The following PDE4DIP variants were observed in gnomAD, a reference collection of about 807,000 sequenced individuals.
The protein encoded by PDE4DIP is phosphodiesterase 4D interacting protein.
Under a neutral mutation model 221.4 loss-of-function variants are expected in PDE4DIP, and 59 were observed. The observed-to-expected ratio is 0.27, with a 90% confidence interval of 0.22 to 0.33. The LOEUF (loss-of-function observed/expected upper bound fraction) is 0.33, where lower values mean the gene tolerates loss of function less well. PDE4DIP is among the 10% of genes least tolerant of loss of function. The pLI is 1.00. For missense variants in PDE4DIP, 1,036 were observed against 2,154.2 expected, an observed-to-expected ratio of 0.48 and a Z score of 10.28; for synonymous variants, 404 against 815.9, an observed-to-expected ratio of 0.50 and a Z score of 8.60.
chr1:148,980,206 G>A (rs1163951981), intron 20 of PDE4DIP, among the ~76,000 whole-genome samples: 4 of 152,034 alleles, frequency 2.6e-5, no homozygotes, highest in African/African-American at 9.7e-5. Flanking sequence ...TATTATAAAC[G>A]TAAGGCTATG....
rs1337955609 is a variant in PDE4DIP at position 148,910,840 on chromosome 1, A to T, written c.142-18357A>T. Among the ~76,000 whole-genome samples, 2 of 105,370 alleles carry T rather than the reference A, an allele frequency of 1.9e-5. 1 individual carries two copies. Among genetic ancestry groups the T allele is most frequent in the Non-Finnish European group, 3.7e-5 (2 of 54,138 alleles). 69.1% of individuals were successfully genotyped at this position (105,370 alleles called of 152,430 possible). On this transcript the variant is annotated intron_variant, in intron 1 of 43. Coordinates refer to ENST00000369354, the Ensembl canonical transcript of PDE4DIP. Reference sequence around the variant, plus strand: ...TACGCTGTTGGTGAGAAGGTAAATTAGTTCAGTCACTGCGGAAAGCAGTTT... The same window carrying T: ...TACGCTGTTGGTGAGAAGGTAAATTTGTTCAGTCACTGCGGAAAGCAGTTT...
At chr1:148,828,943 C>CGAAT (rs1415056349) in intron 1 of PDE4DIP, among the ~76,000 whole-genome samples, 43 of 150,212 alleles carry the variant, frequency 2.9e-4, no homozygotes, top group African/African-American at 1.0e-3. Context: ...AATGAATGAA[C>CGAAT]GAATGAATGA....
At chr1:148,973,438 G>A (rs2059589145) in intron 16 of PDE4DIP, among the ~76,000 whole-genome samples, 1 of 151,294 alleles carries the variant, frequency 6.6e-6, no homozygotes, top group Admixed American at 6.6e-5. Context: ...CCGCTTCTAG[G>A]CCCTTTTAAG....
At chr1:149,007,021 C>T (rs587715896) in intron 27 of PDE4DIP, among the ~76,000 whole-genome samples, 180 bp from the exon 31 acceptor site, 2 of 149,676 alleles carry the variant, frequency 1.3e-5, no homozygotes, top group East Asian at 3.9e-4. Flanking sequence ...TTTTTTAATG[C>T]AATACTTTAT....
rs1288596395 is a variant in PDE4DIP at position 148,844,298 on chromosome 1, C to G, written c.234-18952C>G. On this transcript the variant is annotated intron_variant, in intron 1 of 45. Transcript: ENST00000524974. ...TCATCTGAGCCAGCGAGAGAGGGGTCGGGGAGACGCGAGGGTGGTTCAGGG... is the reference window on the plus strand; with the variant it reads ...TCATCTGAGCCAGCGAGAGAGGGGTGGGGGAGACGCGAGGGTGGTTCAGGG... The G allele has an allele frequency of 2.7e-4, 124 of 466,302 alleles. 7 individuals are homozygous for G. Among genetic ancestry groups the G allele is most frequent in the Admixed American group, 4.5e-4 (7 of 15,564 alleles). 28.9% of individuals were successfully genotyped at this position (466,302 alleles called of 1,614,324 possible). A position where few individuals can be genotyped will look rare whatever the true frequency, so the allele number is the denominator to read the frequency against.
At chr1:148,989,942 G>T (rs1233410943) in intron 21 of PDE4DIP, among the ~76,000 whole-genome samples, 4 of 152,118 alleles carry the variant, frequency 2.6e-5, no homozygotes, top group Admixed American at 1.3e-4. Context: ...ATGGTTTCTG[G>T]GGTTGGTTTG....
At chr1:148,892,341 A>C (rs1698880581) in intron 1 of PDE4DIP, among the ~76,000 whole-genome samples, 2 of 121,662 alleles carry the variant, frequency 1.6e-5, no homozygotes, top group Non-Finnish European at 3.3e-5. Context: ...TGTCTGGATC[A>C]TTTGATCTCA....
chr1:148,988,280 C>A (rs1400312308), intron 21 of PDE4DIP, among the ~76,000 whole-genome samples: 4 of 148,470 alleles, frequency 2.7e-5, no homozygotes, highest in African/African-American at 7.5e-5. Context: ...AGTTTACTTA[C>A]AATAACAATA....
chr1:148,975,648 C>T (rs2060034909), intron 17 of PDE4DIP, among the ~76,000 whole-genome samples: 1 of 152,134 alleles, frequency 6.6e-6, no homozygotes, highest in Non-Finnish European at 1.5e-5. Flanking sequence ...AGATTCCCTT[C>T]CCCCTGCCTT....
In PDE4DIP at chr1:148,855,976, G is replaced by A. The variant is rs1681118123; in HGVS notation, c.234-7274G>A. ...GTTTCAGTTTATTCCCTTGGGTAGGGACAATGCCAAGTGTTAACACGGGAG... is the reference window on the plus strand; with the variant it reads ...GTTTCAGTTTATTCCCTTGGGTAGGAACAATGCCAAGTGTTAACACGGGAG... On this transcript the variant is annotated intron_variant, in intron 1 of 45. Coordinates refer to the PDE4DIP transcript ENST00000524974. Among the ~76,000 whole-genome samples, 2 of 98,994 alleles carry A rather than the reference G, an allele frequency of 2.0e-5. 1 individual carries two copies. Among genetic ancestry groups the A allele is most frequent in the South Asian group, 7.8e-4 (2 of 2,572 alleles). 64.9% of individuals were successfully genotyped at this position (98,994 alleles called of 152,430 possible).
intron 20 of PDE4DIP, 58 bp from the exon 24 acceptor site, chr1:148,981,212 T>A: frequency 6.5e-7 from 1 of 1,549,538 alleles, no homozygotes; most frequent in South Asian, 1.1e-5. Context: ...GAAACAAATG[T>A]GGACTCACTA....
exon 2 of PDE4DIP, chr1:148,863,285 C>G (rs782534734): frequency 4.2e-6 from 2 of 470,724 alleles, no homozygotes; most frequent in Admixed American, 3.5e-5. Flanking sequence ...GAGATGGTAC[C>G]CAGAACGAGT....
intron 1 of PDE4DIP, among the ~76,000 whole-genome samples, chr1:148,915,199 G>C (rs2043695188): frequency 1.3e-5 from 2 of 152,066 alleles, no homozygotes; most frequent in African/African-American, 2.4e-5. Flanking sequence ...CCAGGCTGGA[G>C]TGCAGTGGTG....
chr1:148,899,344 T>C, intron 1 of PDE4DIP, among the ~76,000 whole-genome samples: 1 of 125,950 alleles, frequency 7.9e-6, no homozygotes, highest in Non-Finnish European at 1.7e-5. Context: ...GTACCTGCTA[T>C]GTTCCAAGTA....
intron 3 of PDE4DIP, among the ~76,000 whole-genome samples, chr1:148,881,249 C>T (rs61547163): frequency 1.6e-4 from 4 of 24,668 alleles, no homozygotes; most frequent in Non-Finnish European, 2.6e-4. Flanking sequence ...TTCACATTAT[C>T]GTATAATGCT....
intron 1 of PDE4DIP, among the ~76,000 whole-genome samples, chr1:148,859,830 ATG>A (rs4068415): frequency 0.065 from 6,696 of 103,576 alleles, 222 homozygotes; most frequent in South Asian, 0.082. Context: ...GTGTGTGTGT[ATG>A]TGTGTGTGTG....
rs1416922231 is a variant in PDE4DIP, at chr1:148,893,091, GTGTGTGTGTGTA to G, written c.141+3201_141+3212del. Among the ~76,000 whole-genome samples, 7 of 128,806 alleles carry G rather than the reference GTGTGTGTGTGTA, an allele frequency of 5.4e-5. No homozygotes were observed. In the South Asian group the frequency reaches 1.0e-3, roughly 19 times the overall value. 84.5% of individuals were successfully genotyped at this position (128,806 alleles called of 152,430 possible). A position where few individuals can be genotyped will look rare whatever the true frequency, so the allele number is the denominator to read the frequency against. On this transcript the variant is annotated intron_variant, in intron 1 of 43. Coordinates refer to ENST00000369354, the Ensembl canonical transcript of PDE4DIP. ...TGTGTGTGTGTGTGTGTGTGTGTGT[GTGTGTGTGTGTA>G]TGTATTTTTTTTTTTTTTTTTTTGG...
At chr1:148,960,130 C>A (rs1316375616) in intron 5 of PDE4DIP, among the ~76,000 whole-genome samples, 4 of 152,302 alleles carry the variant, frequency 2.6e-5, no homozygotes, top group Non-Finnish European at 5.9e-5. Flanking sequence ...GTACAATTAT[C>A]AAATTTAGAA....
chr1:148,990,396 G>A (rs1365058203), intron 21 of PDE4DIP: 1 of 971,242 alleles, frequency 1.0e-6, no homozygotes, highest in East Asian at 1.1e-4. Context: ...GATAAGGTAA[G>A]CCCCTTATCT....
Sources: gnomAD v4.1 joint callset for allele counts (sites outside exome capture counted in the v4.1 genomes callset) on GRCh38, gnomAD v4.1.1 for gene constraint, MANE v1.5 for transcripts, NCBI Gene and HGNC (gene_info 2026-07-23, HGNC 2026-07-21) for gene names.